The following ITIH5 variants were observed in gnomAD, a reference collection of about 807,000 sequenced individuals.
ITIH5 encodes the protein inter-alpha-trypsin inhibitor heavy chain 5, also known as inter-alpha-trypsin inhibitor heavy chain H5.
ITIH5 carries 65 observed loss-of-function variants against 77.5 expected under a neutral mutation model. The ratio of observed to expected loss-of-function variants is 0.84; its 90% confidence interval spans 0.69 to 1.03. The LOEUF is 1.03. Ranked by LOEUF, ITIH5 falls within the 50% of genes least tolerant of loss-of-function variation. ITIH5 has a pLI of 0.00. For synonymous variants in ITIH5, 525 were observed against 494.3 expected (o/e 1.06, Z -0.82); for missense variants, 1,208 against 1,213.1 (o/e 1.00, Z 0.06).
intron 7 of ITIH5, among the ~76,000 whole-genome samples, chr10:7,599,635 G>T (rs1368738116): frequency 3.9e-5 from 6 of 151,988 alleles, no homozygotes; most frequent in African/African-American, 7.3e-5. Flanking sequence ...CCTGGCTTTG[G>T]TCCATCCTAC....
rs1464649864 is a variant in ITIH5, at chr10:7,616,032, C to A, written c.889G>T (p.Val297Leu). 3.1e-6 allele frequency: 5 copies of A among 1,613,590 alleles called. No individual in the cohort carries two copies. Among genetic ancestry groups the A allele is most frequent in the Non-Finnish European group, 4.2e-6 (5 of 1,179,668 alleles). Residue 297 changes from valine to leucine, a missense_variant, in exon 7 of 14, where the codon GTA becomes TTA. Coordinates refer to ENST00000397146, the MANE Select transcript of ITIH5 (RefSeq NM_030569.7). Reference protein sequence around the residue: ...KDLPPLPKNVVFVLDSSASMV... With the variant: ...KDLPPLPKNVLFVLDSSASMV... Reference sequence around the variant, plus strand: ...GAAGCACTGCTGTCAAGCACGAATACCACATTCTTGGGTAAAGGAGGAAGG... The same window carrying A: ...GAAGCACTGCTGTCAAGCACGAATAACACATTCTTGGGTAAAGGAGGAAGG...
At chr10:7,587,157 G>A (rs1205224993) in intron 7 of ITIH5, among the ~76,000 whole-genome samples, 1 of 152,182 alleles carries the variant, frequency 6.6e-6, no homozygotes, top group Non-Finnish European at 1.5e-5. Context: ...GAGAAGGAAG[G>A]CAGTTTGAGC....
intron 9 of ITIH5, among the ~76,000 whole-genome samples, chr10:7,578,130 G>A (rs1832463568): frequency 6.6e-6 from 1 of 152,216 alleles, no homozygotes; most frequent in South Asian, 2.1e-4. Context: ...ACACCTGAGG[G>A]AAGCAGAGCA....
chr10:7,636,967 C>G (rs1487284819), intron 5 of ITIH5, among the ~76,000 whole-genome samples: 1 of 152,148 alleles, frequency 6.6e-6, no homozygotes, highest in East Asian at 1.9e-4. Flanking sequence ...AGCAGAATCG[C>G]TTGAACACGG....
chr10:7,645,134 T>A (rs1470671695), intron 2 of ITIH5, among the ~76,000 whole-genome samples: 2 of 151,742 alleles, frequency 1.3e-5, no homozygotes, highest in East Asian at 3.9e-4. Context: ...TCTTGGTAAT[T>A]CAAAAAAGCC....
chr10:7,599,895 T>C (rs1378950117), intron 7 of ITIH5, among the ~76,000 whole-genome samples: 1 of 152,184 alleles, frequency 6.6e-6, no homozygotes, highest in Non-Finnish European at 1.5e-5. Flanking sequence ...CCCAGACTCT[T>C]AGTTAAGGTC....
chr10:7,640,612 C>G, intron 4 of ITIH5, 142 bp downstream of exon 4: 1 of 610,650 alleles, frequency 1.6e-6, no homozygotes, highest in Non-Finnish European at 2.9e-6. Flanking sequence ...ATATTATTCA[C>G]TAGATGTATT....
chr10:7,600,876 C>T (rs1469947953), intron 7 of ITIH5, among the ~76,000 whole-genome samples: 1 of 152,164 alleles, frequency 6.6e-6, no homozygotes, highest in Non-Finnish European at 1.5e-5. Context: ...GCATCTATGA[C>T]CCAGAAGGTG....
At chr10:7,665,086 C>T (rs74123520) in intron 1 of ITIH5, among the ~76,000 whole-genome samples, 100 of 152,226 alleles carry the variant, frequency 6.6e-4, no homozygotes, top group African/African-American at 2.2e-3. Context: ...GAACTTTATA[C>T]CTTGGATTTT....
At chr10:7,613,370 G>A (rs1386988421) in intron 7 of ITIH5, among the ~76,000 whole-genome samples, 1 of 152,070 alleles carries the variant, frequency 6.6e-6, no homozygotes, top group African/African-American at 2.4e-5. Context: ...GCCACTATAA[G>A]AGAAAGCTTC....
At chr10:7,588,771 T>G (rs1832733136) in intron 7 of ITIH5, among the ~76,000 whole-genome samples, 1 of 152,266 alleles carries the variant, frequency 6.6e-6, no homozygotes, top group Admixed American at 6.5e-5. Context: ...TCCTACTCCC[T>G]AGGCATATGC....
intron 2 of ITIH5, among the ~76,000 whole-genome samples, chr10:7,644,649 AT>A (rs1421854853): frequency 7.2e-5 from 10 of 138,890 alleles, no homozygotes; most frequent in Admixed American, 4.5e-4. Flanking sequence ...TATATCATAT[AT>A]ATCACATATA....
In ITIH5 at chr10:7,642,039, G is replaced by A. The variant is rs757216945; in HGVS notation, c.187C>T (p.Arg63Cys). The A allele has an allele frequency of 3.2e-5, 51 of 1,613,852 alleles. No homozygotes were observed. The highest frequency in any genetic ancestry group is 1.6e-4 in the Middle Eastern group (1 of 6,084). Residue 63 changes from arginine (R) to cysteine (C), a missense_variant, in exon 3 of 14, where the codon CGT becomes TGT. Physicochemically the swap from Arg to Cys is radical, Grantham distance 180. Transcript: ENST00000397146. ...CAGGAAACCGTAGTGAAGGCATAAC[G>A]GGAAATGATGGTAGACTTCACTGAG... is the stretch of plus-strand genomic sequence containing the variant. ...EFSVKSTIIS[R>C]YAFTTVSCRM...
chr10:7,582,028 A>G (rs1024685477), intron 8 of ITIH5, among the ~76,000 whole-genome samples: 10 of 151,260 alleles, frequency 6.6e-5, no homozygotes, highest in Non-Finnish European at 1.5e-5. Flanking sequence ...GGCACACGCC[A>G]CCATGCCTGG....
chr10:7,562,662 G>T lies in ITIH5; in HGVS notation c.*421C>A. On this transcript the variant is annotated 3_prime_UTR_variant, in exon 14 of 14. Transcript: ENST00000397146. Reference sequence around the variant, plus strand: ...ACAGCTTTCTAAGCATTAGTGTAAGGCAAAAAGCAGAGTGCCTAAACTTGT... The same window carrying T: ...ACAGCTTTCTAAGCATTAGTGTAAGTCAAAAAGCAGAGTGCCTAAACTTGT... The T allele has an allele frequency of 4.9e-6, 1 of 205,470 alleles. No individual in the cohort carries two copies. The highest frequency in any genetic ancestry group is 1.0e-5 in the Non-Finnish European group (1 of 100,092). 12.7% of individuals were successfully genotyped at this position (205,470 alleles called of 1,614,324 possible).
At chr10:7,634,305 C>G (rs56331329) in intron 5 of ITIH5, among the ~76,000 whole-genome samples, 75,563 of 151,786 alleles carry the variant, frequency 0.5, 20,558 homozygotes, top group African/African-American at 0.72. Flanking sequence ...AAACACAGCC[C>G]TGTCCAGACA....
chr10:7,579,162 TCATTA>T (rs1469120071), intron 9 of ITIH5, among the ~76,000 whole-genome samples: 1 of 152,230 alleles, frequency 6.6e-6, no homozygotes, highest in Non-Finnish European at 1.5e-5. Context: ...AGCGATTTTC[TCATTA>T]AATTCTGCAA....
chr10:7,578,104 T>C lies in ITIH5; in HGVS notation c.1419-1092A>G, dbSNP rs559575824. On this transcript the variant is annotated intron_variant, in intron 9 of 13. Transcript: ENST00000397146. ...AGTGATAGTGACTGAATTTCAATCC[T>C]GTAGCATTAAGGACAACACCTGAGG... Among the ~76,000 whole-genome samples, 5 of 152,330 alleles carry C rather than the reference T, an allele frequency of 3.3e-5. No individual in the cohort carries two copies. The East Asian group carries it at 9.6e-4, about 29-fold the overall frequency.
chr10:7,641,858 C>T (rs975768206), intron 3 of ITIH5, 69 bp downstream of exon 3: 1 of 1,319,216 alleles, frequency 7.6e-7, no homozygotes, highest in East Asian at 2.3e-5. Flanking sequence ...AGGCTGTGGA[C>T]CTCACATCTC....
Sources: gnomAD v4.1 joint callset for allele counts (sites outside exome capture counted in the v4.1 genomes callset) on GRCh38, gnomAD v4.1.1 for gene constraint, MANE v1.5 for transcripts, NCBI Gene and HGNC (gene_info 2026-07-23, HGNC 2026-07-21) for gene names.